JAK3: variants seen among roughly 807,000 people sequenced by gnomAD.
The protein encoded by JAK3 is tyrosine-protein kinase JAK3.
JAK3 carries 88 observed loss-of-function variants against 120.8 expected under a neutral mutation model. The ratio of observed to expected loss-of-function variants is 0.73; its 90% CI spans 0.61 to 0.87. The LOEUF (loss-of-function observed/expected upper bound fraction) is 0.87, where lower values mean the gene tolerates loss of function less well. Ranked by LOEUF, JAK3 falls within the 40% of genes least tolerant of loss-of-function variation. The pLI is 0.00. For missense variants in JAK3, 1,254 were observed against 1,501.4 expected, an observed-to-expected ratio of 0.84 and a Z score of 2.72; for synonymous variants, 592 against 628.6, an observed-to-expected ratio of 0.94 and a Z score of 0.87.
intron 13 of JAK3, 147 bp downstream of exon 13, chr19:17,836,982 A>G: frequency 2.9e-6 from 2 of 686,004 alleles, no homozygotes; most frequent in African/African-American, 2.4e-5. Context: ...ATGGAGAGAC[A>G]TAAATAAAGG....
rs2094241995 is a variant in JAK3 at position 17,842,412 on chromosome 19, G to A, written c.765C>T (p.His255=). Residue 255 remains histidine, a synonymous_variant, in exon 6 of 24, where the codon CAC becomes CAT. Coordinates refer to ENST00000458235, the MANE Select transcript of JAK3 (RefSeq NM_000215.4). This position sits in a 1 kb window ranked among gnomAD's most constrained non-coding sequence, Gnocchi z 6.4. ...LDPAGAAETF[H]VGLPGALGGH... is the part of the protein sequence containing the mutation. ...CACCAAGGGCCCCAGGGAGGCCCACGTGGAAGGTCTCGGCGGCCCCGGCTG... is the reference window on the plus strand; with the variant it reads ...CACCAAGGGCCCCAGGGAGGCCCACATGGAAGGTCTCGGCGGCCCCGGCTG... The A allele has an allele frequency of 3.2e-6, 5 of 1,586,474 alleles. No homozygotes were observed. In the South Asian group the frequency reaches 3.4e-5, roughly 11 times the overall value.
chr19:17,843,932 G>C lies in JAK3; in HGVS notation c.185-32C>G, dbSNP rs764992083. The C allele has an allele frequency of 6.2e-7, 1 of 1,612,548 alleles. No homozygotes were observed. The highest frequency in any genetic ancestry group is 1.7e-5 in the Admixed American group (1 of 59,906). On this transcript the variant is annotated intron_variant, in intron 2 of 23. Coordinates refer to ENST00000458235, the MANE Select transcript of JAK3 (RefSeq NM_000215.4). This position sits in a 1 kb window ranked among gnomAD's most constrained non-coding sequence, Gnocchi z 5.4. ...GGGATGGTCCCATCAGCTCCCTCCT[G>C]AGTCACCCCATCTGTGCCCTTCAGG...
rs1489900651 is a variant in JAK3, at chr19:17,824,899, C to T, written c.*1844G>A. ...CAGGGGAGACAGCTGGACACAGACA[C>T]TTCCCCAGCCCCAGGGCCAGAGTGG... On this transcript the variant is annotated 3_prime_UTR_variant, in exon 24 of 24. Coordinates refer to ENST00000458235, the MANE Select transcript of JAK3 (RefSeq NM_000215.4). 1.8e-5 allele frequency: 4 copies of T among 217,376 alleles called. No homozygotes were observed. The highest frequency in any genetic ancestry group is 2.8e-5 in the Non-Finnish European group (3 of 108,120). The allele number at this position is 217,376 out of a possible 1,614,324, so 13.5% of individuals were successfully genotyped here. A position where few individuals can be genotyped will look rare whatever the true frequency, so the allele number is the denominator to read the frequency against.
At chr19:17,845,850 A>G (rs2094250961) in intron 1 of JAK3, among the ~76,000 whole-genome samples, 1 of 152,026 alleles carries the variant, frequency 6.6e-6, no homozygotes, top group African/African-American at 2.4e-5. Flanking sequence ...TTTGAGACAG[A>G]GTCTAGCTCT....
At chr19:17,829,780 A>C (rs1449590248) in intron 23 of JAK3, 4 of 459,812 alleles carry the variant, frequency 8.7e-6, no homozygotes, top group Non-Finnish European at 1.5e-5. Context: ...AGAAAAAAAA[A>C]AACCATGAAC....
chr19:17,842,647 G>A lies in JAK3; in HGVS notation c.567-37C>T, dbSNP rs199820441. Reference sequence around the variant, plus strand: ...GGAGGGGAGGGAGCCGGCCCTCAGCGTCGGGAGGGGTCCCCGCGGGGACAC... The same window carrying A: ...GGAGGGGAGGGAGCCGGCCCTCAGCATCGGGAGGGGTCCCCGCGGGGACAC... On this transcript the variant is annotated intron_variant, in intron 5 of 23. Transcript: ENST00000458235. This position sits in a 1 kb window ranked among gnomAD's most constrained non-coding sequence, Gnocchi z 6.4. The A allele has an allele frequency of 7.9e-4, 1,191 of 1,511,234 alleles. 3 individuals carry two copies. The highest frequency in any genetic ancestry group is 3.7e-3 in the Middle Eastern group (21 of 5,618). The allele number at this position is 1,511,234 out of a possible 1,614,324, so 93.6% of individuals were successfully genotyped here. A position where few individuals can be genotyped will look rare whatever the true frequency, so the allele number is the denominator to read the frequency against.
rs763628238 is a variant in JAK3, at chr19:17,838,304, G to T, written c.1528C>A (p.Gln510Lys). 1 of 1,614,144 alleles carries T rather than the reference G, an allele frequency of 6.2e-7. No individual in the cohort carries two copies. The highest frequency in any genetic ancestry group is 8.5e-7 in the Non-Finnish European group (1 of 1,180,034). Residue 510 changes from glutamine to lysine, a missense_variant, in exon 11 of 24, where the codon CAG becomes AAG. Physicochemically the swap from Gln to Lys is moderately conservative, Grantham distance 53 (BLOSUM62 1). Around this residue, in one of 3 missense-constraint regions of JAK3, gnomAD observed 486 missense variants for 503.0 expected, o/e 0.97. Transcript: ENST00000458235. ...GCAGGGATCTTGTGAAATGTCATCT[G>T]ACTCAGCTGGTATTGGGATTGGGGC... ...VQPQSQYQLS[Q>K]MTFHKIPADS...
At chr19:17,827,717 TAAAAAAAAAAAAAAAAAAAAAAAA>T (rs760856974) in intron 23 of JAK3, among the ~76,000 whole-genome samples, 3 of 77,680 alleles carry the variant, frequency 3.9e-5, no homozygotes, top group African/African-American at 6.0e-5. Flanking sequence ...CCATCTTAAC[TAAAAAAAAAAAAAAAAAAAAAAAA>T]AAAAAAAAAA....
chr19:17,839,759 G>A, intron 9 of JAK3, 96 bp from the exon 10 acceptor site: 1 of 914,946 alleles, frequency 1.1e-6, no homozygotes, highest in Non-Finnish European at 1.6e-6. Context: ...TTTTTTTTTG[G>A]AGACGGAGTC....
At chr19:17,827,914 A>T (rs903565849) in intron 23 of JAK3, among the ~76,000 whole-genome samples, 39 of 150,516 alleles carry the variant, frequency 2.6e-4, no homozygotes, top group Non-Finnish European at 4.6e-4. Context: ...AAAAAAAAAA[A>T]ACAACAAAAA....
chr19:17,829,267 C>T (rs909534305), intron 23 of JAK3, among the ~76,000 whole-genome samples: 1 of 152,122 alleles, frequency 6.6e-6, no homozygotes, highest in Non-Finnish European at 1.5e-5. Flanking sequence ...CAGGTTCAAG[C>T]AATTCTCCTG....
In JAK3 at chr19:17,843,443, C is replaced by A; in HGVS notation, c.357G>T (p.Gly119=). ...TAGCACTGGCCAAATCCTTGCGTAG[C>A]CCGAAGCGGTGGCACTTCTCCAGCC... ...WFGLEKCHRF[G]LRKDLASAIL... The change falls in exon 4 of 24, where the codon GGG becomes GGT. Residue 119 remains glycine, a synonymous_variant. Coordinates refer to ENST00000458235, the MANE Select transcript of JAK3 (RefSeq NM_000215.4). The surrounding 1 kb of genome is among the most constrained non-coding windows in gnomAD (Gnocchi z 5.4). The A allele has an allele frequency of 1.2e-6, 2 of 1,600,072 alleles. No individual in the cohort carries two copies. Among genetic ancestry groups the A allele is most frequent in the Non-Finnish European group, 1.7e-6 (2 of 1,173,480 alleles).
In JAK3 at chr19:17,833,000, G is replaced by C; in HGVS notation, c.2351-71C>G. 6.4e-7 allele frequency: 1 copy of C among 1,558,856 alleles called. No homozygotes were observed. Among genetic ancestry groups the C allele is most frequent in the Non-Finnish European group, 8.7e-7 (1 of 1,150,792 alleles). ...GGCCCCACTCCTGAGTTGACTTGCTGTGCAACCTCCATCTGCATATTGACC... is the reference window on the plus strand; with the variant it reads ...GGCCCCACTCCTGAGTTGACTTGCTCTGCAACCTCCATCTGCATATTGACC... On this transcript the variant is annotated intron_variant, in intron 17 of 23. Coordinates refer to ENST00000458235, the MANE Select transcript of JAK3 (RefSeq NM_000215.4). This position sits in a 1 kb window ranked among gnomAD's most constrained non-coding sequence, Gnocchi z 4.7.
At chr19:17,827,805 G>C (rs1465081079) in intron 23 of JAK3, among the ~76,000 whole-genome samples, 1 of 143,310 alleles carries the variant, frequency 7.0e-6, no homozygotes, top group Non-Finnish European at 1.5e-5. Flanking sequence ...GGGAGTCTAA[G>C]GCAGGAGAAT....
chr19:17,830,315 A>G (rs2147674234), intron 22 of JAK3, 97 bp from the exon 23 acceptor site: 2 of 985,214 alleles, frequency 2.0e-6, no homozygotes, highest in Non-Finnish European at 3.1e-6. Context: ...TCTGTGATGG[A>G]GCGGGGAGGG....
At position 17,832,562 on chromosome 19, in the gene JAK3, G is replaced by A. The variant is rs2147678187; in HGVS notation, c.2637C>T (p.His879=). ...QREIQILKAL[H]SDFIVKYRGV... ...CACGATACTTGACAATGAAATCACT[G>A]TGCAGTGCTTTGAGGATCTGAATCT... The change falls in exon 19 of 24, where the codon CAC becomes CAT. Residue 879 remains histidine (H), a synonymous_variant. Transcript: ENST00000458235. The surrounding 1 kb of genome is among the most constrained non-coding windows in gnomAD (Gnocchi z 4.7). The A allele has an allele frequency of 6.2e-7, 1 of 1,614,220 alleles. No homozygotes were observed. The highest frequency in any genetic ancestry group is 8.5e-7 in the Non-Finnish European group (1 of 1,180,048).
In JAK3 at chr19:17,841,809, C is replaced by T; in HGVS notation, c.862-47G>A. 6.3e-7 allele frequency: 1 copy of T among 1,597,666 alleles called. No homozygotes were observed. Among genetic ancestry groups the T allele is most frequent in the East Asian group, 2.2e-5 (1 of 44,846 alleles). The stretch of plus-strand genomic sequence containing the variant: ...GAAGTGGGGGCCCAGCTGGACCCCG[C>T]CAAACCACGCCCATGAACCCACCCC... On this transcript the variant is annotated intron_variant, in intron 6 of 23. Transcript: ENST00000458235. This position sits in a 1 kb window ranked among gnomAD's most constrained non-coding sequence, Gnocchi z 4.1.
In JAK3 at chr19:17,835,074, G is replaced by A. The variant is rs1175853584; in HGVS notation, c.2047+9C>T. 1 of 1,614,024 alleles carries A rather than the reference G, an allele frequency of 6.2e-7. No homozygotes were observed. Among genetic ancestry groups the A allele is most frequent in the African/African-American group, 1.3e-5 (1 of 74,928 alleles). ...TCAGCCCCTCCCTCCTCCACCTCCA[G>A]GAACTTACTCTCCAGGCTTAACACA... On this transcript the variant is annotated intron_variant, in intron 15 of 23. Transcript: ENST00000458235.
intron 23 of JAK3, among the ~76,000 whole-genome samples, chr19:17,827,440 T>G (rs1216133278): frequency 1.3e-5 from 2 of 149,796 alleles, no homozygotes; most frequent in African/African-American, 4.9e-5. Flanking sequence ...CCCTGCCTCC[T>G]GGGTTCAAGC....
Sources: gnomAD v4.1 joint callset for allele counts (sites outside exome capture counted in the v4.1 genomes callset) on GRCh38, gnomAD v4.1.1 for gene constraint, gnomAD v4.1.1 regional missense constraint, Gnocchi (gnomAD v3.1) non-coding constraint, MANE v1.5 for transcripts, NCBI Gene and HGNC (gene_info 2026-07-23, HGNC 2026-07-21) for gene names.